Variants in PCDH15 observed in about 807,000 individuals in gnomAD.
PCDH15 encodes protocadherin-15.
PCDH15 carries 129 observed loss-of-function variants against 178.5 expected under a neutral mutation model. That is an observed-to-expected ratio of 0.72 (90% CI 0.63 to 0.84). The LOEUF (loss-of-function observed/expected upper bound fraction) is 0.84. Among genes scored for constraint, PCDH15 ranks in the 40% least tolerant of loss-of-function variants. The probability of loss-of-function intolerance (pLI) is 0.00; values close to 1 mark genes in which losing one functional copy is unlikely to be tolerated. For missense variants in PCDH15, 2,230 were observed against 2,099.9 expected (o/e 1.06, Z -1.21); for synonymous variants, 800 against 732.0 (o/e 1.09, Z -1.50).
chr10:54,495,802 C>T (rs2080056039), intron 3 of PCDH15, among the ~76,000 whole-genome samples: 1 of 152,132 alleles, frequency 6.6e-6, no homozygotes, highest in Non-Finnish European at 1.5e-5. Flanking sequence ...TGTCACATTA[C>T]TTGTCTCTCA....
chr10:55,620,732 T>C (rs949877541), intron 2 of PCDH15, among the ~76,000 whole-genome samples: 4 of 151,570 alleles, frequency 2.6e-5, no homozygotes, highest in Non-Finnish European at 4.4e-5. Context: ...TGCAAAGCCA[T>C]AAATAATATA....
At chr10:54,561,441 T>G (rs2088137339) in intron 2 of PCDH15, among the ~76,000 whole-genome samples, 1 of 152,168 alleles carries the variant, frequency 6.6e-6, no homozygotes, top group Non-Finnish European at 1.5e-5. Context: ...AAAGACTATC[T>G]TAGTTAATCA....
At chr10:55,032,920 T>C (rs1198439938) in intron 2 of PCDH15, among the ~76,000 whole-genome samples, 1 of 152,144 alleles carries the variant, frequency 6.6e-6, no homozygotes, top group African/African-American at 2.4e-5. Flanking sequence ...TCTGCACCCA[T>C]TGTTTTTGTA....
intron 1 of PCDH15, among the ~76,000 whole-genome samples, chr10:55,255,642 A>G (rs951113606): frequency 1.3e-5 from 2 of 152,086 alleles, no homozygotes; most frequent in Non-Finnish European, 2.9e-5. Flanking sequence ...AATGATCGCC[A>G]TTCTAACTGG....
intron 2 of PCDH15, among the ~76,000 whole-genome samples, chr10:54,577,875 TAA>T (rs1565647793): frequency 3.3e-5 from 5 of 150,748 alleles, no homozygotes; most frequent in Non-Finnish European, 7.4e-5. Context: ...AATAAATAAA[TAA>T]ATAAATAAAT....
chr10:55,097,573 A>G (rs1329430920), intron 2 of PCDH15, among the ~76,000 whole-genome samples: 1 of 152,166 alleles, frequency 6.6e-6, no homozygotes, highest in Non-Finnish European at 1.5e-5. Context: ...CAGAAGACAC[A>G]TTCCTACAGT....
At chr10:54,776,939 C>A (rs28537969) in intron 1 of PCDH15, among the ~76,000 whole-genome samples, 11,069 of 151,844 alleles carry the variant, frequency 0.073, 1,336 homozygotes, top group African/African-American at 0.25. Context: ...CTAGGGAGTG[C>A]GAAGAAGAGA....
At chr10:53,991,307 T>C in intron 21 of PCDH15, among the ~76,000 whole-genome samples, 1 of 152,176 alleles carries the variant, frequency 6.6e-6, no homozygotes, top group African/African-American at 2.4e-5. Context: ...AACTTTTATG[T>C]CTAGCTGGAG....
intron 2 of PCDH15, among the ~76,000 whole-genome samples, chr10:55,451,704 A>T: frequency 6.6e-6 from 1 of 152,152 alleles, no homozygotes; most frequent in East Asian, 1.9e-4. Flanking sequence ...GTTCAGGATG[A>T]TTTTCACGGA....
intron 13 of PCDH15, among the ~76,000 whole-genome samples, chr10:54,154,563 TTAAC>T (rs1408336084): frequency 2.6e-5 from 4 of 152,192 alleles, no homozygotes; most frequent in Non-Finnish European, 5.9e-5. Context: ...AAACATCATA[TTAAC>T]TAATTTCCCA....
intron 21 of PCDH15, among the ~76,000 whole-genome samples, chr10:53,988,715 G>A (rs906406204): frequency 6.6e-6 from 1 of 152,102 alleles, no homozygotes; most frequent in African/African-American, 2.4e-5. Context: ...CATAAGGGAG[G>A]TCTGTGGGCC....
At chr10:55,579,623 T>C (rs1011728166) in intron 2 of PCDH15, among the ~76,000 whole-genome samples, 1 of 152,146 alleles carries the variant, frequency 6.6e-6, no homozygotes, top group South Asian at 2.1e-4. Flanking sequence ...CAAAAATATA[T>C]GTAGCTAATA....
At chr10:54,794,118 A>G (rs1305850588) in intron 1 of PCDH15, among the ~76,000 whole-genome samples, 1 of 146,862 alleles carries the variant, frequency 6.8e-6, no homozygotes, top group Non-Finnish European at 1.5e-5. Flanking sequence ...CCTTTAAGAT[A>G]TATATAAGAT....
At chr10:54,528,502 G>A in intron 2 of PCDH15, 7 of 899,346 alleles carry the variant, frequency 7.8e-6, no homozygotes, top group Middle Eastern at 2.4e-4. Flanking sequence ...AGAGATTTAA[G>A]GATATAAAAA....
At chr10:55,248,489 T>C (rs1293595139) in intron 1 of PCDH15, among the ~76,000 whole-genome samples, 1 of 152,112 alleles carries the variant, frequency 6.6e-6, no homozygotes, top group Non-Finnish European at 1.5e-5. Context: ...TATTATGAGA[T>C]AAAGGCCAAG....
intron 2 of PCDH15, among the ~76,000 whole-genome samples, chr10:55,431,090 G>A (rs1838871191): frequency 6.6e-6 from 1 of 151,978 alleles, no homozygotes; most frequent in South Asian, 2.1e-4. Flanking sequence ...CCTGGGTTAG[G>A]TTCAAAGAGT....
chr10:54,940,898 T>C (rs188479363), intron 2 of PCDH15, among the ~76,000 whole-genome samples: 137 of 152,246 alleles, frequency 9.0e-4, no homozygotes, highest in African/African-American at 3.2e-3. Flanking sequence ...TCCACCTATT[T>C]GAATCTTTGA....
intron 2 of PCDH15, among the ~76,000 whole-genome samples, chr10:55,464,651 T>C (rs1839791074): frequency 7.2e-5 from 1 of 13,876 alleles, no homozygotes; most frequent in African/African-American, 2.1e-3. Context: ...TATATATATA[T>C]ATATGTGTGT....
chr10:54,423,827 C>A (rs1315467431), intron 3 of PCDH15, among the ~76,000 whole-genome samples: 5 of 151,938 alleles, frequency 3.3e-5, no homozygotes, highest in Non-Finnish European at 7.3e-5. Flanking sequence ...AAAGCTGAAA[C>A]TGGATCCCTT....
Sources: gnomAD v4.1 joint callset for allele counts (sites outside exome capture counted in the v4.1 genomes callset) on GRCh38, gnomAD v4.1.1 for gene constraint, MANE v1.5 for transcripts, NCBI Gene and HGNC (gene_info 2026-07-23, HGNC 2026-07-21) for gene names.